Variants in SLC25A16 observed in about 807,000 individuals in gnomAD.
The protein encoded by SLC25A16 is mitochondrial coenzyme A transporter SLC25A16.
A neutral mutation model predicts 41.5 loss-of-function variants in SLC25A16; 39 were observed. That is an observed-to-expected ratio of 0.94 (90% CI 0.73 to 1.23). The LOEUF is 1.23. Ranked by LOEUF, SLC25A16 falls within the 50% of genes most tolerant of loss-of-function variation. SLC25A16 has a pLI of 0.00. For synonymous variants in SLC25A16, 146 were observed against 147.8 expected (o/e 0.99, Z 0.09); for missense variants, 421 against 426.9 (o/e 0.99, Z 0.12).
chr10:68,490,392 G>C (rs1250809442), intron 6 of SLC25A16, among the ~76,000 whole-genome samples: 3 of 151,784 alleles, frequency 2.0e-5, no homozygotes, highest in Admixed American at 1.3e-4. Flanking sequence ...ACCCAGGCTG[G>C]AGTGCAATGG....
At chr10:68,497,628 T>A (rs1196468036) in intron 4 of SLC25A16, among the ~76,000 whole-genome samples, 1 of 151,730 alleles carries the variant, frequency 6.6e-6, no homozygotes, top group Non-Finnish European at 1.5e-5. Context: ...TTAATTTTTT[T>A]TTTTCCAAGA....
At chr10:68,502,159 A>G (rs904518683) in intron 4 of SLC25A16, among the ~76,000 whole-genome samples, 1 of 152,052 alleles carries the variant, frequency 6.6e-6, no homozygotes, top group African/African-American at 2.4e-5. Flanking sequence ...TGTGGCAGTG[A>G]GCTGAGATCG....
At chr10:68,497,789 G>GT (rs1446107629) in intron 4 of SLC25A16, among the ~76,000 whole-genome samples, 1 of 151,626 alleles carries the variant, frequency 6.6e-6, no homozygotes, top group East Asian at 1.9e-4. Flanking sequence ...CCTAATTTTT[G>GT]TATTTTTAGT....
chr10:68,506,109 CA>C (rs2052949051), intron 3 of SLC25A16, among the ~76,000 whole-genome samples: 1 of 152,086 alleles, frequency 6.6e-6, no homozygotes, highest in South Asian at 2.1e-4. Context: ...ATTCCAAAGA[CA>C]AGTTATATTT....
chr10:68,516,855 T>C lies in SLC25A16; in HGVS notation c.131-12A>G, dbSNP rs1224138899. The C allele has an allele frequency of 6.3e-7, 1 of 1,598,760 alleles. No homozygotes were observed. The highest frequency in any genetic ancestry group is 2.2e-5 in the East Asian group (1 of 44,780). On this transcript the variant is annotated splice_polypyrimidine_tract_variant and intron_variant, in intron 1 of 8. Transcript: ENST00000609923. ...GCATCCAGCAATACCTAAAAATTTT[T>C]CAAAAGGTCAGGAAGAAATTGCGTA...
rs117104740 is a variant in SLC25A16 at position 68,487,781 on chromosome 10, C to T, written c.774-569G>A. On this transcript the variant is annotated intron_variant, in intron 7 of 8. Transcript: ENST00000609923. The stretch of plus-strand genomic sequence containing the variant: ...TCCCCTTGAATACAGTAGACCAATA[C>T]AAAATTTTCCATAAGGGCTAAAACT... Among the ~76,000 whole-genome samples the T allele has an allele frequency of 3.7e-3, 564 of 152,290 alleles. 1 individual carries two copies. The highest frequency in any genetic ancestry group is 0.017 in the Middle Eastern group (5 of 294).
chr10:68,511,724 A>C (rs144361216), intron 2 of SLC25A16, among the ~76,000 whole-genome samples: 3,696 of 152,204 alleles, frequency 0.024, 156 homozygotes, highest in African/African-American at 0.084. Flanking sequence ...ACAGAGTCTC[A>C]CTCTGTTGCC....
At position 68,479,005 on chromosome 10, in the gene SLC25A16, C is replaced by G. The variant is rs2052456756; in HGVS notation, c.*4427G>C. 6.6e-6 allele frequency: 1 copy of G among 152,178 alleles called. No individual in the cohort carries two copies. 9.4% of individuals were successfully genotyped at this position (152,178 alleles called of 1,614,324 possible). On this transcript the variant is annotated 3_prime_UTR_variant, in exon 9 of 9. Coordinates refer to ENST00000609923, the MANE Select transcript of SLC25A16 (RefSeq NM_152707.4). Reference sequence around the variant, plus strand: ...TCTCCTGACCACGTGATCCGCCCACCTTGGCCTCCCAAAGTGCTGGGATTA... The same window carrying G: ...TCTCCTGACCACGTGATCCGCCCACGTTGGCCTCCCAAAGTGCTGGGATTA...
At chr10:68,503,479 C>T (rs537003567) in intron 4 of SLC25A16, among the ~76,000 whole-genome samples, 153 bp downstream of exon 4, 9 of 152,128 alleles carry the variant, frequency 5.9e-5, no homozygotes, top group African/African-American at 2.2e-4. Flanking sequence ...TTAATACATA[C>T]CTTTTTTTGA....
In SLC25A16 at chr10:68,521,874, G is replaced by A. The variant is rs570047010; in HGVS notation, c.131-5031C>T. Reference sequence around the variant, plus strand: ...GGCCTCCCAAAGTGCTGGGATTACAGGCGTGAGCCACCGCGCCCGGCCATG... The same window carrying A: ...GGCCTCCCAAAGTGCTGGGATTACAAGCGTGAGCCACCGCGCCCGGCCATG... On this transcript the variant is annotated intron_variant, in intron 1 of 8. Coordinates refer to ENST00000609923, the MANE Select transcript of SLC25A16 (RefSeq NM_152707.4). Among the ~76,000 whole-genome samples the A allele has an allele frequency of 3.5e-3, 529 of 151,614 alleles. 4 individuals are homozygous for A. The highest frequency in any genetic ancestry group is 0.012 in the African/African-American group (500 of 41,462).
At chr10:68,510,862 C>A (rs1017110011) in intron 2 of SLC25A16, among the ~76,000 whole-genome samples, 1 of 151,776 alleles carries the variant, frequency 6.6e-6, no homozygotes, top group African/African-American at 2.4e-5. Context: ...AAAAATTTTT[C>A]GAAAAGAGCA....
At chr10:68,490,892 T>A (rs961021298) in intron 6 of SLC25A16, among the ~76,000 whole-genome samples, 17 of 149,184 alleles carry the variant, frequency 1.1e-4, no homozygotes, top group African/African-American at 4.2e-4. Flanking sequence ...AAAATATACT[T>A]TTTTTTTTTG....
At position 68,501,556 on chromosome 10, in the gene SLC25A16, AG is replaced by A. The variant is rs2052845558; in HGVS notation, c.421+2075del. 2.3e-5 allele frequency among the ~76,000 whole-genome samples: 3 copies of A among 129,920 alleles called. No homozygotes were observed. The East Asian group carries it at 7.7e-4, about 33-fold the overall frequency. The allele number at this position is 129,920 out of a possible 152,430, so 85.2% of individuals were successfully genotyped here. On this transcript the variant is annotated intron_variant, in intron 4 of 8. Coordinates refer to ENST00000609923, the MANE Select transcript of SLC25A16 (RefSeq NM_152707.4). ...GAGGAGAAGAGGAGAGGAGAGAATG[AG>A]GGGAGGGGAGAGGAGGGGAGGGAAG... is the stretch of plus-strand genomic sequence containing the variant.
intron 6 of SLC25A16, among the ~76,000 whole-genome samples, chr10:68,492,516 C>T (rs2052676667): frequency 6.6e-6 from 1 of 151,924 alleles, no homozygotes; most frequent in East Asian, 1.9e-4. Flanking sequence ...TGCCTGCAAT[C>T]CCAGCACTTT....
intron 8 of SLC25A16, among the ~76,000 whole-genome samples, chr10:68,486,347 G>C (rs949656763): frequency 6.6e-6 from 1 of 151,260 alleles, no homozygotes; most frequent in Non-Finnish European, 1.5e-5. Flanking sequence ...CTCCCACCTT[G>C]GCCCCCCAAA....
intron 4 of SLC25A16, 79 bp from the exon 5 acceptor site, chr10:68,493,649 C>A: frequency 1.8e-6 from 2 of 1,126,048 alleles, no homozygotes; most frequent in South Asian, 2.8e-5. Context: ...GTATTATTCT[C>A]AATATTATGG....
In SLC25A16 at chr10:68,487,186, C is replaced by A; in HGVS notation, c.800G>T (p.Arg267Leu). 1 of 1,613,444 alleles carries A rather than the reference C, an allele frequency of 6.2e-7. No homozygotes were observed. Among genetic ancestry groups the A allele is most frequent in the Non-Finnish European group, 8.5e-7 (1 of 1,179,808 alleles). The change falls in exon 8 of 9, where the codon CGA becomes CTA. Residue 267 changes from arginine (R) to leucine (L), a missense_variant. Coordinates refer to ENST00000609923, the MANE Select transcript of SLC25A16 (RefSeq NM_152707.4). Reference sequence around the variant, plus strand: ...CGGCAGAACAGTTCCTAATTGCATTCGCCGACGAGTCACATCAAATGGGTA... The same window carrying A: ...CGGCAGAACAGTTCCTAATTGCATTAGCCGACGAGTCACATCAAATGGGTA... The part of the protein sequence containing the change: ...ISYPFDVTRR[R>L]MQLGTVLPEF...
intron 2 of SLC25A16, among the ~76,000 whole-genome samples, chr10:68,507,067 ACT>A (rs1491113009): frequency 1.5e-5 from 2 of 129,172 alleles, no homozygotes; most frequent in African/African-American, 3.0e-5. Flanking sequence ...AAGATGACCT[ACT>A]CTTTTTTTTT....
chr10:68,487,702 C>T (rs1029954761), intron 7 of SLC25A16, among the ~76,000 whole-genome samples: 5 of 152,318 alleles, frequency 3.3e-5, no homozygotes, highest in African/African-American at 9.6e-5. Flanking sequence ...AACAAATGTC[C>T]ACTGGTGGTA....
Sources: allele counts gnomAD v4.1 joint callset (sites outside exome capture counted in the v4.1 genomes callset), GRCh38; gene constraint gnomAD v4.1.1; transcripts MANE v1.5; gene names NCBI Gene and HGNC (gene_info 2026-07-23, HGNC 2026-07-21).